Variants in CROCC observed in about 807,000 individuals in gnomAD.
CROCC encodes the protein rootletin.
Under a neutral mutation model 245.2 loss-of-function variants are expected in CROCC, and 180 were observed. The observed-to-expected ratio is 0.73, with a 90% CI of 0.65 to 0.83. CROCC has a LOEUF of 0.83. Ranked by LOEUF, CROCC falls within the 40% of genes least tolerant of loss-of-function variation. CROCC has a pLI of 0.00. For synonymous variants in CROCC, 1,205 were observed against 1,241.6 expected (o/e 0.97, Z 0.62); for missense variants, 2,688 against 2,779.4 (o/e 0.97, Z 0.74).
rs765046100 is a variant in CROCC at position 16,972,352 on chromosome 1, T to C, written c.5968-8T>C. On this transcript the variant is annotated splice_polypyrimidine_tract_variant and splice_region_variant and intron_variant, in intron 36 of 36. Transcript: ENST00000375541. ...CCTGGCTGGCCTTACCTTCCCTTTC[T>C]TCCCCAGGTGTCCACACTGAAGGGC... The C allele has an allele frequency of 2.7e-5, 43 of 1,613,106 alleles. No individual in the cohort carries two copies. The highest frequency in any genetic ancestry group is 2.0e-5 in the Non-Finnish European group (23 of 1,179,366).
Position 16,931,408 on chromosome 1 carries a change from G to T in CROCC, c.956+11G>T. On this transcript the variant is annotated intron_variant, in intron 8 of 36. Transcript: ENST00000375541. ...GATGTTCACTGAGAGGTGAGGCCTG[G>T]CCGGGGACGGGGCAGCAGCTGAGAG... The T allele has an allele frequency of 6.2e-7, 1 of 1,605,956 alleles. No homozygotes were observed. Among genetic ancestry groups the T allele is most frequent in the Non-Finnish European group, 8.5e-7 (1 of 1,173,800 alleles).
intron 13 of CROCC, chr1:16,941,131 G>A (rs2075922634): frequency 1.1e-5 from 2 of 178,106 alleles, no homozygotes; most frequent in South Asian, 9.9e-5. Context: ...AAATTGCTGG[G>A]ATTACAGGCA....
intron 20 of CROCC, 75 bp downstream of exon 20, chr1:16,951,197 C>G (rs1264064341): frequency 1.8e-5 from 23 of 1,293,588 alleles, no homozygotes; most frequent in East Asian, 1.8e-4. Context: ...GCCTCGGTCT[C>G]TACATCTGTG....
intron 32 of CROCC, 128 bp from the exon 33 acceptor site, chr1:16,969,657 G>A (rs746493035): frequency 2.2e-6 from 3 of 1,362,550 alleles, no homozygotes; most frequent in South Asian, 2.8e-5. Flanking sequence ...TGGGTTTGGT[G>A]TGCACCCCAC....
chr1:16,951,260 G>GA (rs1557622209), intron 20 of CROCC, 138 bp downstream of exon 20: 1 of 744,988 alleles, frequency 1.3e-6, no homozygotes, highest in Non-Finnish European at 2.0e-6. Context: ...AGGAGGACTG[G>GA]GGGGATGGGG....
chr1:16,956,712 C>T (rs528898614), intron 25 of CROCC, among the ~76,000 whole-genome samples: 3 of 149,532 alleles, frequency 2.0e-5, no homozygotes, highest in Admixed American at 1.3e-4. Flanking sequence ...GATCCATTTT[C>T]GATGATTTAA....
chr1:16,970,122 C>T lies in CROCC; in HGVS notation c.5452-131C>T, dbSNP rs974672278. ...AGACTGAGAGAGACAGGTTTGGCTT[C>T]AGGTGACAATTCTCTGATGTGGGCC... On this transcript the variant is annotated intron_variant, in intron 33 of 36. Coordinates refer to ENST00000375541, the MANE Select transcript of CROCC (RefSeq NM_014675.5). 3.3e-6 allele frequency: 4 copies of T among 1,208,912 alleles called. No individual in the cohort carries two copies. In the African/African-American group the frequency reaches 6.1e-5, roughly 18 times the overall value. 74.9% of individuals were successfully genotyped at this position (1,208,912 alleles called of 1,614,324 possible).
intron 8 of CROCC, among the ~76,000 whole-genome samples, chr1:16,936,309 C>A (rs1438793349): frequency 6.6e-6 from 1 of 152,256 alleles, no homozygotes; most frequent in African/African-American, 2.4e-5. Context: ...GCTGTGTCAC[C>A]CAGGCTGGAG....
intron 20 of CROCC, among the ~76,000 whole-genome samples, chr1:16,952,120 C>T (rs909424999): frequency 1.3e-5 from 2 of 151,242 alleles, no homozygotes; most frequent in African/African-American, 2.4e-5. Flanking sequence ...AACTTTTGAC[C>T]TCGTAATCTG....
intron 27 of CROCC, among the ~76,000 whole-genome samples, chr1:16,963,798 G>GTT (rs199534417): frequency 4.0e-5 from 6 of 151,322 alleles, no homozygotes; most frequent in African/African-American, 7.3e-5. Flanking sequence ...AAATCACTTT[G>GTT]TTTTTGTTTT....
At position 16,947,482 on chromosome 1, in the gene CROCC, A is replaced by ATAATAATAATAATAATAT. The variant is rs1360022300; in HGVS notation, c.2514+508_2514+509insTTAATAATAATAATAATA. Among the ~76,000 whole-genome samples the ATAATAATAATAATAATAT allele has an allele frequency of 1.7e-3, 251 of 147,404 alleles. 2 individuals are homozygous for ATAATAATAATAATAATAT. In the East Asian group the frequency reaches 0.028, roughly 16 times the overall value. On this transcript the variant is annotated intron_variant, in intron 17 of 36. Coordinates refer to ENST00000375541, the MANE Select transcript of CROCC (RefSeq NM_014675.5). ...AGACTCCGTCTCAATAATAATAATA[A>ATAATAATAATAATAATAT]TAATAATAATAATAATAATGATACA... is the stretch of plus-strand genomic sequence containing the variant.
intron 2 of CROCC, among the ~76,000 whole-genome samples, chr1:16,923,665 C>T (rs1353908429): frequency 1.4e-5 from 2 of 145,470 alleles, no homozygotes; most frequent in African/African-American, 5.0e-5. Flanking sequence ...CTGGTTACTA[C>T]TATTCTACCT....
intron 26 of CROCC, among the ~76,000 whole-genome samples, chr1:16,960,210 G>A (rs1353810294): frequency 1.3e-5 from 2 of 152,130 alleles, no homozygotes; most frequent in Non-Finnish European, 1.5e-5. Flanking sequence ...AGGTTACAGT[G>A]AGCTGAGATT....
In CROCC at chr1:16,928,792, G is replaced by A. The variant is rs543562597; in HGVS notation, c.352-1054G>A. On this transcript the variant is annotated intron_variant, in intron 3 of 36. Coordinates refer to ENST00000375541, the MANE Select transcript of CROCC (RefSeq NM_014675.5). ...CACTCCAGCCCAGGAGACAGTGCAA[G>A]ACTCTGTCTCAAAAAAATAAATAAA... is the stretch of plus-strand genomic sequence containing the variant. Among the ~76,000 whole-genome samples, 47 of 151,942 alleles carry A rather than the reference G, an allele frequency of 3.1e-4. No homozygotes were observed. In the South Asian group the frequency reaches 9.6e-3, roughly 31 times the overall value.
chr1:16,943,022 C>T (rs1223509798), intron 13 of CROCC, among the ~76,000 whole-genome samples: 2 of 152,226 alleles, frequency 1.3e-5, no homozygotes, highest in African/African-American at 4.8e-5. Flanking sequence ...GCAGGAGGAC[C>T]ACCTGAGGTC....
chr1:16,938,785 G>C, intron 11 of CROCC, 124 bp from the exon 12 acceptor site: 1 of 982,916 alleles, frequency 1.0e-6, no homozygotes, highest in Non-Finnish European at 1.5e-6. Context: ...AAATCAGGAA[G>C]GCTTCTTGTA....
Position 16,948,330 on chromosome 1 carries a change from G to C in CROCC, c.2515-1G>C. The C allele has an allele frequency of 6.4e-7, 1 of 1,561,264 alleles. No individual in the cohort carries two copies. Among genetic ancestry groups the C allele is most frequent in the Non-Finnish European group, 8.6e-7 (1 of 1,158,652 alleles). The stretch of plus-strand genomic sequence containing the variant: ...CTACTCAGTCTCTGGGTGGGGGCCA[G>C]CTCTCCCGGCAGCTGAGCGGGCGGG... On this transcript the variant is annotated splice_acceptor_variant, in intron 17 of 36. Coordinates refer to ENST00000375541, the MANE Select transcript of CROCC (RefSeq NM_014675.5). LOFTEE classifies it high-confidence loss of function.
chr1:16,937,028 C>CTA (rs2075806506), intron 9 of CROCC, among the ~76,000 whole-genome samples, 155 bp downstream of exon 9: 1 of 152,278 alleles, frequency 6.6e-6, no homozygotes, highest in Non-Finnish European at 1.5e-5. Context: ...AGGCACTTGC[C>CTA]CAGTGTTTAT....
chr1:16,915,201 C>T (rs1426483653), intron 1 of CROCC, among the ~76,000 whole-genome samples: 3 of 152,294 alleles, frequency 2.0e-5, no homozygotes, highest in South Asian at 2.1e-4. Flanking sequence ...GGTGTCCTTC[C>T]GTGATCCCCG....
Sources: gnomAD v4.1 joint callset for allele counts (sites outside exome capture counted in the v4.1 genomes callset) on GRCh38, gnomAD v4.1.1 for gene constraint, MANE v1.5 for transcripts, NCBI Gene and HGNC (gene_info 2026-07-23, HGNC 2026-07-21) for gene names.